The following FRMD4A variants were observed in gnomAD, a reference collection of about 807,000 sequenced individuals.
FRMD4A encodes the protein FERM domain containing 4A.
A neutral mutation model predicts 129.1 loss-of-function variants in FRMD4A; 29 were observed. The observed-to-expected ratio is 0.22, with a 90% CI of 0.17 to 0.31. FRMD4A has a LOEUF of 0.31. Among genes scored for constraint, FRMD4A ranks in the 10% least tolerant of loss-of-function variants. The probability of loss-of-function intolerance (pLI) is 1.00; values close to 1 mark genes in which losing one functional copy is unlikely to be tolerated. For synonymous variants in FRMD4A, 634 were observed against 571.6 expected, an observed-to-expected ratio of 1.11 and a Z score of -1.56; for missense variants, 1,272 against 1,375.8, an observed-to-expected ratio of 0.92 and a Z score of 1.19.
intron 2 of FRMD4A, among the ~76,000 whole-genome samples, chr10:13,979,609 C>T (rs2095553578): frequency 6.6e-6 from 1 of 152,098 alleles, no homozygotes; most frequent in African/African-American, 2.4e-5. Flanking sequence ...ACTTAAATTC[C>T]TTTGAACTCT....
At chr10:13,786,656 G>C (rs2092872845) in intron 5 of FRMD4A, among the ~76,000 whole-genome samples, 1 of 152,004 alleles carries the variant, frequency 6.6e-6, no homozygotes, top group Admixed American at 6.6e-5. Flanking sequence ...TCTGGCAAAG[G>C]GTAGGCAGAA....
At chr10:13,686,922 G>A (rs570606657) in intron 15 of FRMD4A, among the ~76,000 whole-genome samples, 19 of 152,142 alleles carry the variant, frequency 1.2e-4, no homozygotes, top group South Asian at 6.2e-4. Context: ...TTCCTAAGTG[G>A]GTTTGTGCTA....
chr10:14,021,228 TA>T (rs1386095364), intron 2 of FRMD4A, among the ~76,000 whole-genome samples: 1 of 151,518 alleles, frequency 6.6e-6, no homozygotes, highest in Non-Finnish European at 1.5e-5. Context: ...ATACAGAAAA[TA>T]AAAAAAATCT....
intron 2 of FRMD4A, among the ~76,000 whole-genome samples, chr10:14,057,212 T>G (rs1834576494): frequency 6.6e-6 from 1 of 152,232 alleles, no homozygotes; most frequent in South Asian, 2.1e-4. Context: ...ATTATTTGCC[T>G]CTTGGTTGTG....
At chr10:14,068,576 G>C (rs1835168642) in intron 2 of FRMD4A, among the ~76,000 whole-genome samples, 1 of 152,114 alleles carries the variant, frequency 6.6e-6, no homozygotes, top group South Asian at 2.1e-4. Flanking sequence ...ATCTGAAAAA[G>C]GTTATGGGGA....
At chr10:13,826,701 C>T (rs972964605) in intron 3 of FRMD4A, among the ~76,000 whole-genome samples, 2 of 152,072 alleles carry the variant, frequency 1.3e-5, no homozygotes, top group Non-Finnish European at 1.5e-5. Flanking sequence ...CTGATGATGT[C>T]GTTTTCGATA....
intron 3 of FRMD4A, among the ~76,000 whole-genome samples, chr10:13,838,693 A>C (rs1336618228): frequency 6.6e-6 from 1 of 151,982 alleles, no homozygotes; most frequent in Non-Finnish European, 1.5e-5. Flanking sequence ...GGGTTTCACC[A>C]TGTTGGCCAG....
intron 2 of FRMD4A, among the ~76,000 whole-genome samples, chr10:14,263,987 C>A (rs1207413164): frequency 1.3e-5 from 2 of 152,184 alleles, no homozygotes; most frequent in African/African-American, 4.8e-5. Context: ...AGCATTGCAC[C>A]AACCACAAAG....
intron 2 of FRMD4A, among the ~76,000 whole-genome samples, chr10:14,181,254 C>T (rs7087778): frequency 6.6e-6 from 1 of 152,122 alleles, no homozygotes; most frequent in Non-Finnish European, 1.5e-5. Flanking sequence ...ATTATTTTCC[C>T]GTGTTTGAAA....
chr10:14,245,526 C>T (rs567482056), intron 2 of FRMD4A, among the ~76,000 whole-genome samples: 1 of 152,284 alleles, frequency 6.6e-6, no homozygotes, highest in South Asian at 2.1e-4. Flanking sequence ...CCTTACCCCC[C>T]AAACTCATCT....
At chr10:13,905,758 G>A (rs967974549) in intron 2 of FRMD4A, among the ~76,000 whole-genome samples, 4 of 152,212 alleles carry the variant, frequency 2.6e-5, no homozygotes, top group Admixed American at 6.5e-5. Flanking sequence ...GAAGGAAGCA[G>A]ATTTGTATCC....
chr10:14,099,158 C>T (rs1170227121), intron 2 of FRMD4A, among the ~76,000 whole-genome samples: 1 of 152,206 alleles, frequency 6.6e-6, no homozygotes, highest in African/African-American at 2.4e-5. Flanking sequence ...TCGGTCAAGC[C>T]TCAGACTCCA....
chr10:14,109,671 CA>C (rs1165175884), intron 2 of FRMD4A, among the ~76,000 whole-genome samples: 2 of 152,032 alleles, frequency 1.3e-5, no homozygotes, highest in African/African-American at 4.8e-5. Context: ...ACATTATTTC[CA>C]GTTCTTAAAA....
chr10:14,038,309 C>T (rs1489599355), intron 2 of FRMD4A, among the ~76,000 whole-genome samples: 2 of 151,956 alleles, frequency 1.3e-5, no homozygotes, highest in Admixed American at 6.6e-5. Flanking sequence ...GGCGACAAAG[C>T]GAGACTCCGT....
chr10:14,291,686 C>A (rs956681160), intron 2 of FRMD4A, among the ~76,000 whole-genome samples: 1 of 151,884 alleles, frequency 6.6e-6, no homozygotes, highest in Non-Finnish European at 1.5e-5. Context: ...ATACAAAAAC[C>A]TTTAGAAAGT....
rs758913624 is a variant in FRMD4A at position 13,657,301 on chromosome 10, T to G, written c.2288A>C (p.Gln763Pro). 97 of 1,610,438 alleles carry G rather than the reference T, an allele frequency of 6.0e-5. No individual in the cohort carries two copies. The highest frequency in any genetic ancestry group is 7.6e-5 in the Non-Finnish European group (90 of 1,179,534). Residue 763 changes from glutamine to proline, a missense_variant, in exon 22 of 25, where the codon CAG (glutamine) becomes CCG (proline). Transcript: ENST00000357447. Reference protein sequence around the residue: ...HSSSEHYYPAQMNANYSTLAE... With the variant: ...HSSSEHYYPAPMNANYSTLAE... ...CAGCGTGGAGTAGTTGGCGTTCATCTGCGCCGGGTAGTAGTGCTCCGAGCT... is the reference window on the plus strand; with the variant it reads ...CAGCGTGGAGTAGTTGGCGTTCATCGGCGCCGGGTAGTAGTGCTCCGAGCT...
intron 2 of FRMD4A, among the ~76,000 whole-genome samples, chr10:14,044,703 C>A (rs1209020208): frequency 6.6e-6 from 1 of 152,206 alleles, no homozygotes; most frequent in African/African-American, 2.4e-5. Context: ...TAGACTTGGG[C>A]ACTGTGGAAG....
At chr10:14,122,156 T>C (rs1011980164) in intron 2 of FRMD4A, among the ~76,000 whole-genome samples, 5 of 152,210 alleles carry the variant, frequency 3.3e-5, no homozygotes, top group African/African-American at 1.2e-4. Flanking sequence ...TAAATGGAAA[T>C]CAAAGCCTTT....
intron 2 of FRMD4A, among the ~76,000 whole-genome samples, chr10:14,018,567 T>A (rs1272422616): frequency 6.6e-6 from 1 of 151,998 alleles, no homozygotes; most frequent in African/African-American, 2.4e-5. Flanking sequence ...CCATTTTAAG[T>A]TACTTTTAGG....
Sources: allele counts gnomAD v4.1 joint callset (sites outside exome capture counted in the v4.1 genomes callset), GRCh38; gene constraint gnomAD v4.1.1; transcripts MANE v1.5; gene names NCBI Gene and HGNC (gene_info 2026-07-23, HGNC 2026-07-21).